NDUFS4: variants seen among roughly 807,000 people sequenced by gnomAD.
NDUFS4 encodes NADH dehydrogenase [ubiquinone] iron-sulfur protein 4, mitochondrial.
In NDUFS4, 28 loss-of-function variants were observed where a neutral mutation model predicts 24.3. That is an observed-to-expected ratio of 1.15 (90% CI 0.85 to 1.58). The LOEUF is 1.58. Among genes scored for constraint, NDUFS4 ranks in the 40% most tolerant of loss-of-function variants. NDUFS4 has a pLI of 0.00. For missense variants in NDUFS4, 223 were observed against 207.9 expected, an observed-to-expected ratio of 1.07 and a Z score of -0.45; for synonymous variants, 93 against 69.7, an observed-to-expected ratio of 1.34 and a Z score of -1.67.
At chr5:53,658,473 C>A (rs986864858) in intron 3 of NDUFS4, 78 bp from the exon 4 acceptor site, 7 of 921,594 alleles carry the variant, frequency 7.6e-6, no homozygotes, top group Non-Finnish European at 8.9e-6. Flanking sequence ...TTTATAGTAG[C>A]TGTTTATTTT....
intron 2 of NDUFS4, among the ~76,000 whole-genome samples, chr5:53,634,378 T>G (rs1236690537): frequency 6.6e-6 from 1 of 152,188 alleles, no homozygotes; most frequent in African/African-American, 2.4e-5. Context: ...TTTAGGAAAT[T>G]TATGTTCTGG....
At chr5:53,678,890 CCCTGTT>C (rs746214194) in intron 4 of NDUFS4, among the ~76,000 whole-genome samples, 79 of 152,206 alleles carry the variant, frequency 5.2e-4, no homozygotes, top group Non-Finnish European at 8.5e-4. Flanking sequence ...AGCTCAGCTT[CCCTGTT>C]TGCTCAAGTA....
chr5:53,565,051 A>G (rs911928469), intron 1 of NDUFS4, among the ~76,000 whole-genome samples: 1 of 152,220 alleles, frequency 6.6e-6, no homozygotes. Flanking sequence ...TGCTTTATCC[A>G]GTGAAATGTT....
chr5:53,647,960 AAGTC>A lies in NDUFS4; in HGVS notation c.350+1557_350+1560del, dbSNP rs531249352. Among the ~76,000 whole-genome samples, 66 of 152,304 alleles carry A rather than the reference AAGTC, an allele frequency of 4.3e-4. 1 individual carries two copies. Among genetic ancestry groups the A allele is most frequent in the African/African-American group, 1.6e-3 (66 of 41,568 alleles). ...TAATTAATTTATTAAAATGAGAAAAAAGTCAAACAATACAAATTCAATTAGAACA... is the reference window on the plus strand; with the variant it reads ...TAATTAATTTATTAAAATGAGAAAAAAAACAATACAAATTCAATTAGAACA... On this transcript the variant is annotated intron_variant, in intron 3 of 4. Transcript: ENST00000296684.
chr5:53,637,646 C>A (rs1411678281), intron 2 of NDUFS4, among the ~76,000 whole-genome samples: 3 of 152,004 alleles, frequency 2.0e-5, no homozygotes, highest in Admixed American at 6.6e-5. Flanking sequence ...TTCCTTAAAT[C>A]TGGAAAACAA....
intron 2 of NDUFS4, among the ~76,000 whole-genome samples, chr5:53,626,344 CAT>C (rs944690278): frequency 7.2e-5 from 11 of 152,210 alleles, no homozygotes; most frequent in East Asian, 3.9e-4. Context: ...CCGCAATAAA[CAT>C]GTGTGCCTGT....
intron 1 of NDUFS4, among the ~76,000 whole-genome samples, chr5:53,588,292 C>T (rs113657071): frequency 3.9e-5 from 6 of 152,290 alleles, no homozygotes; most frequent in African/African-American, 7.2e-5. Context: ...GTTCTCTTTC[C>T]TCTCTTGCCT....
At chr5:53,659,177 G>A (rs1204877563) in intron 4 of NDUFS4, among the ~76,000 whole-genome samples, 4 of 152,026 alleles carry the variant, frequency 2.6e-5, no homozygotes, top group African/African-American at 9.7e-5. Flanking sequence ...TAATATTAAT[G>A]TGGCCTAAGA....
intron 2 of NDUFS4, among the ~76,000 whole-genome samples, chr5:53,612,392 CTT>C (rs1255866974): frequency 2.6e-5 from 4 of 152,118 alleles, no homozygotes; most frequent in South Asian, 2.1e-4. Flanking sequence ...AAAAAGGAAA[CTT>C]TTTATTTAGC....
At chr5:53,582,210 C>CAAAATAAAATAAAATAAAAT (rs374195906) in intron 1 of NDUFS4, among the ~76,000 whole-genome samples, 8 of 117,818 alleles carry the variant, frequency 6.8e-5, no homozygotes, top group South Asian at 5.6e-4. Context: ...GACTCTGTCT[C>CAAAATAAAATAAAATAAAAT]AAAATAAAAT....
At chr5:53,587,960 A>G (rs976699887) in intron 1 of NDUFS4, among the ~76,000 whole-genome samples, 1 of 152,166 alleles carries the variant, frequency 6.6e-6, no homozygotes, top group African/African-American at 2.4e-5. Context: ...TATAATAATT[A>G]CTTGTTTAGG....
At chr5:53,648,529 A>G (rs1430594533) in intron 3 of NDUFS4, among the ~76,000 whole-genome samples, 1 of 152,254 alleles carries the variant, frequency 6.6e-6, no homozygotes, top group Non-Finnish European at 1.5e-5. Context: ...ATACCAGGTC[A>G]GATTTCCCAA....
chr5:53,634,667 G>T (rs1295095361), intron 2 of NDUFS4, among the ~76,000 whole-genome samples: 1 of 151,822 alleles, frequency 6.6e-6, no homozygotes, highest in African/African-American at 2.4e-5. Flanking sequence ...TGCCCAGGCT[G>T]GTCTCAGATT....
intron 2 of NDUFS4, among the ~76,000 whole-genome samples, chr5:53,618,998 C>T (rs2112475615): frequency 6.6e-6 from 1 of 151,934 alleles, no homozygotes; most frequent in South Asian, 2.1e-4. Context: ...TCTGTAGTCA[C>T]AGCTACTCAG....
chr5:53,655,659 G>C (rs374199852), intron 3 of NDUFS4, among the ~76,000 whole-genome samples: 1 of 152,006 alleles, frequency 6.6e-6, no homozygotes, highest in East Asian at 1.9e-4. Flanking sequence ...TTAATTATCT[G>C]ATCCCTTATG....
At chr5:53,658,932 T>A in intron 4 of NDUFS4, 1 of 299,164 alleles carries the variant, frequency 3.3e-6, no homozygotes, top group Non-Finnish European at 6.2e-6. Context: ...AACATTTTGT[T>A]GAACTTCAAT....
At chr5:53,640,192 G>T (rs72753652) in intron 2 of NDUFS4, among the ~76,000 whole-genome samples, 14,023 of 152,122 alleles carry the variant, frequency 0.092, 775 homozygotes, top group Non-Finnish European at 0.13. Context: ...AGTGGAAAGT[G>T]AAGGATTCTG....
intron 2 of NDUFS4, among the ~76,000 whole-genome samples, chr5:53,613,508 T>C (rs950295471): frequency 6.6e-6 from 1 of 151,996 alleles, no homozygotes; most frequent in African/African-American, 2.4e-5. Context: ...ATGCCTATTT[T>C]TATTCTTAGA....
chr5:53,646,721 C>T (rs1751876086), intron 3 of NDUFS4, among the ~76,000 whole-genome samples: 1 of 152,046 alleles, frequency 6.6e-6, no homozygotes, highest in Non-Finnish European at 1.5e-5. Flanking sequence ...GTTTTGCTTT[C>T]TACGGTTTCA....
Sources: allele counts gnomAD v4.1 joint callset (sites outside exome capture counted in the v4.1 genomes callset), GRCh38; gene constraint gnomAD v4.1.1; transcripts MANE v1.5; gene names NCBI Gene and HGNC (gene_info 2026-07-23, HGNC 2026-07-21).